AUTS2: variants seen among roughly 807,000 people sequenced by gnomAD.
AUTS2 encodes the protein autism susceptibility gene 2 protein.
A neutral mutation model predicts 112.4 loss-of-function variants in AUTS2; 17 were observed. The ratio of observed to expected loss-of-function variants is 0.15; its 90% CI spans 0.10 to 0.23. The LOEUF (loss-of-function observed/expected upper bound fraction) is 0.23. AUTS2 is among the 10% of genes least tolerant of loss of function. AUTS2 has a pLI of 1.00. For missense variants in AUTS2, 1,510 were observed against 1,701.6 expected (o/e 0.89, Z 1.98); for synonymous variants, 751 against 702.7 (o/e 1.07, Z -1.09).
chr7:70,382,266 T>C (rs548970405), intron 4 of AUTS2, among the ~76,000 whole-genome samples: 18 of 152,312 alleles, frequency 1.2e-4, no homozygotes, highest in African/African-American at 4.3e-4. Flanking sequence ...TTTTCTTAGA[T>C]CAGTTCAGAA....
At chr7:69,829,016 A>G (rs1791378290) in intron 1 of AUTS2, among the ~76,000 whole-genome samples, 1 of 152,190 alleles carries the variant, frequency 6.6e-6, no homozygotes, top group Non-Finnish European at 1.5e-5. Context: ...AGTAACCAAA[A>G]CAGCATGGTA....
intron 4 of AUTS2, among the ~76,000 whole-genome samples, chr7:70,222,659 C>T (rs1171996943): frequency 6.6e-6 from 1 of 151,108 alleles, no homozygotes; most frequent in Non-Finnish European, 1.5e-5. Flanking sequence ...TTTAAGTTCT[C>T]TGCAATGTTA....
intron 4 of AUTS2, among the ~76,000 whole-genome samples, chr7:70,281,861 G>A (rs1273009698): frequency 6.6e-6 from 1 of 152,166 alleles, no homozygotes. Context: ...GTTTCAGTGA[G>A]GAAGCCAGAA....
intron 4 of AUTS2, among the ~76,000 whole-genome samples, chr7:70,256,301 GCTT>G (rs903064523): frequency 6.6e-6 from 1 of 152,122 alleles, no homozygotes; most frequent in Non-Finnish European, 1.5e-5. Context: ...ATAAACTAGG[GCTT>G]CTTCTTCTTC....
At chr7:70,527,578 T>G (rs952203646) in intron 5 of AUTS2, among the ~76,000 whole-genome samples, 2 of 151,730 alleles carry the variant, frequency 1.3e-5, no homozygotes, top group South Asian at 2.1e-4. Context: ...TGAAAAGAAA[T>G]AAATTTCTCA....
At position 70,785,045 on chromosome 7, in the gene AUTS2, T is replaced by G. The variant is rs755806145; in HGVS notation, c.2224+26T>G. ...GTGAGTCGCCCAAAATAATGGGAACTGAGATGTGTGCTTCAGGCAACCCTG... is the reference window on the plus strand; with the variant it reads ...GTGAGTCGCCCAAAATAATGGGAACGGAGATGTGTGCTTCAGGCAACCCTG... On this transcript the variant is annotated intron_variant, in intron 16 of 18. Transcript: ENST00000342771. 4 of 1,610,590 alleles carry G rather than the reference T, an allele frequency of 2.5e-6. No homozygotes were observed. In the Admixed American group the frequency reaches 5.0e-5, roughly 20 times the overall value.
chr7:70,359,881 A>C (rs1408250511), intron 4 of AUTS2, among the ~76,000 whole-genome samples: 1 of 152,186 alleles, frequency 6.6e-6, no homozygotes, highest in Non-Finnish European at 1.5e-5. Flanking sequence ...AAATTTTAAC[A>C]ATGAGAATTC....
intron 4 of AUTS2, among the ~76,000 whole-genome samples, chr7:70,393,058 GGTA>G (rs1237200138): frequency 1.3e-5 from 2 of 152,202 alleles, no homozygotes; most frequent in African/African-American, 4.8e-5. Flanking sequence ...CGACAGGAAG[GGTA>G]GTATTGATTT....
At chr7:70,091,853 T>G (rs1417316893) in intron 2 of AUTS2, among the ~76,000 whole-genome samples, 1 of 152,188 alleles carries the variant, frequency 6.6e-6, no homozygotes, top group Non-Finnish European at 1.5e-5. Flanking sequence ...TAAAATTTAG[T>G]GCTAAGATGA....
intron 4 of AUTS2, among the ~76,000 whole-genome samples, chr7:70,162,811 C>A (rs1808162317): frequency 6.6e-6 from 1 of 152,096 alleles, no homozygotes; most frequent in African/African-American, 2.4e-5. Context: ...CAGAAATAAC[C>A]AGCGTTAACA....
chr7:70,742,782 C>G (rs1472157398), intron 6 of AUTS2, among the ~76,000 whole-genome samples: 1 of 151,992 alleles, frequency 6.6e-6, no homozygotes, highest in Non-Finnish European at 1.5e-5. Flanking sequence ...AATTTCACCT[C>G]ATATCATTTA....
At chr7:70,679,469 T>G (rs186128090) in intron 5 of AUTS2, among the ~76,000 whole-genome samples, 3 of 152,272 alleles carry the variant, frequency 2.0e-5, no homozygotes, top group African/African-American at 7.2e-5. Flanking sequence ...AACTTTCCAT[T>G]ACCAAATTCT....
intron 4 of AUTS2, among the ~76,000 whole-genome samples, chr7:70,322,223 C>T (rs1254641512): frequency 6.6e-6 from 1 of 152,014 alleles, no homozygotes; most frequent in Non-Finnish European, 1.5e-5. Flanking sequence ...AATTAAAATA[C>T]ATTATAGTAT....
chr7:69,890,694 A>G (rs1364819794), intron 1 of AUTS2, among the ~76,000 whole-genome samples: 1 of 75,778 alleles, frequency 1.3e-5, no homozygotes, highest in Non-Finnish European at 2.6e-5. Context: ...GTTAAAAATG[A>G]AAAAAAAAAA....
In AUTS2 at chr7:69,690,072, T is replaced by G. The variant is rs193263755; in HGVS notation, c.309+90110T>G. ...AGTTTCTACTGGATTGTAAGCTTTGTAAGGGGAGATATTTTTAAAATTTTA... is the reference window on the plus strand; with the variant it reads ...AGTTTCTACTGGATTGTAAGCTTTGGAAGGGGAGATATTTTTAAAATTTTA... On this transcript the variant is annotated intron_variant, in intron 1 of 18. Transcript: ENST00000342771. Among the ~76,000 whole-genome samples, 433 of 152,322 alleles carry G rather than the reference T, an allele frequency of 2.8e-3. 1 individual carries two copies. The highest frequency in any genetic ancestry group is 0.01 in the Middle Eastern group (3 of 294).
intron 2 of AUTS2, among the ~76,000 whole-genome samples, chr7:70,067,973 T>A (rs1802572174): frequency 6.6e-6 from 1 of 152,128 alleles, no homozygotes; most frequent in Admixed American, 6.5e-5. Flanking sequence ...GGTTAAATAA[T>A]AAGTGCACAT....
intron 1 of AUTS2, among the ~76,000 whole-genome samples, chr7:69,752,151 C>T (rs1258267369): frequency 6.6e-6 from 1 of 152,196 alleles, no homozygotes; most frequent in Non-Finnish European, 1.5e-5. Context: ...CTGGCACTGG[C>T]TCCTAGAAGT....
intron 5 of AUTS2, among the ~76,000 whole-genome samples, chr7:70,535,049 AAAG>A (rs1800261022): frequency 6.6e-6 from 1 of 152,074 alleles, no homozygotes; most frequent in African/African-American, 2.4e-5. Context: ...AAAAAAAAAA[AAAG>A]ATGTAATGTA....
chr7:69,638,962 G>A (rs919589924), intron 1 of AUTS2, among the ~76,000 whole-genome samples: 5 of 152,218 alleles, frequency 3.3e-5, no homozygotes, highest in Non-Finnish European at 7.3e-5. Context: ...CAATTTGCTA[G>A]TGCTGAATAA....
Sources: allele counts gnomAD v4.1 joint callset (sites outside exome capture counted in the v4.1 genomes callset), GRCh38; gene constraint gnomAD v4.1.1; transcripts MANE v1.5; gene names NCBI Gene and HGNC (gene_info 2026-07-23, HGNC 2026-07-21).